Variants in CBLB observed in about 807,000 individuals in gnomAD.
CBLB encodes the protein Cbl proto-oncogene B.
In CBLB, 31 loss-of-function variants were observed where a neutral mutation model predicts 104.9. That is an observed-to-expected ratio of 0.30 (90% confidence interval 0.22 to 0.40). The LOEUF is 0.40. Ranked by LOEUF, CBLB falls within the 10% of genes least tolerant of loss-of-function variation. The pLI, the probability that CBLB is intolerant of heterozygous loss-of-function variation, is 1.00. For synonymous variants in CBLB, 440 were observed against 422.6 expected, an observed-to-expected ratio of 1.04 and a Z score of -0.51; for missense variants, 1,062 against 1,214.6, an observed-to-expected ratio of 0.87 and a Z score of 1.87.
chr3:105,769,004 A>C (rs2078544051), intron 4 of CBLB, among the ~76,000 whole-genome samples: 1 of 152,202 alleles, frequency 6.6e-6, no homozygotes, highest in African/African-American at 2.4e-5. Context: ...CTATGCAATT[A>C]TTCATGTAGT....
rs139387743 is a variant in CBLB at position 105,701,896 on chromosome 3, T to C, written c.1959+198A>G. Among the ~76,000 whole-genome samples, 18 of 152,270 alleles carry C rather than the reference T, an allele frequency of 1.2e-4. No individual in the cohort carries two copies. In the East Asian group the frequency reaches 3.3e-3, roughly 28 times the overall value. On this transcript the variant is annotated intron_variant, in intron 12 of 18. Transcript: ENST00000394030. Reference sequence around the variant, plus strand: ...CTAGTGTCTTCACATTAAAATTAAATCATTACTTAGAACCTCCTGACTTCT... The same window carrying C: ...CTAGTGTCTTCACATTAAAATTAAACCATTACTTAGAACCTCCTGACTTCT...
In CBLB at chr3:105,703,969, T is replaced by G. The variant is rs1261652731; in HGVS notation, c.1593+19A>C. On this transcript the variant is annotated intron_variant, in intron 11 of 18. Transcript: ENST00000394030. The stretch of plus-strand genomic sequence containing the variant: ...GTCTTACAAAATTTTCATCTGTGTT[T>G]CTAATAAAATTGATCTACCTTTGGT... The G allele has an allele frequency of 1.2e-6, 2 of 1,607,672 alleles. No homozygotes were observed. Among genetic ancestry groups the G allele is most frequent in the Non-Finnish European group, 1.7e-6 (2 of 1,174,120 alleles).
At chr3:105,663,394 G>A (rs752449154) in intron 18 of CBLB, among the ~76,000 whole-genome samples, 10 of 152,136 alleles carry the variant, frequency 6.6e-5, no homozygotes, top group Non-Finnish European at 1.3e-4. Context: ...GGATGAGGAG[G>A]TAACGATTGG....
At chr3:105,817,987 AT>A (rs932586426) in intron 3 of CBLB, among the ~76,000 whole-genome samples, 14 of 152,202 alleles carry the variant, frequency 9.2e-5, no homozygotes, top group Non-Finnish European at 1.0e-4. Flanking sequence ...AAAATAAACA[AT>A]TTTTTTCCCA....
chr3:105,685,286 G>C (rs2066865895), intron 14 of CBLB, 34 bp downstream of exon 14: 3 of 1,572,296 alleles, frequency 1.9e-6, no homozygotes, highest in Non-Finnish European at 2.6e-6. Context: ...TGCTTATGCA[G>C]ATGTAAGTGG....
chr3:105,706,139 C>T (rs985279492), intron 10 of CBLB, among the ~76,000 whole-genome samples: 1 of 151,934 alleles, frequency 6.6e-6, no homozygotes, highest in African/African-American at 2.4e-5. Flanking sequence ...AAGACCCTGT[C>T]TCTAAAAAAA....
At chr3:105,734,273 T>C in intron 8 of CBLB, 133 bp from the exon 9 acceptor site, 1 of 880,532 alleles carries the variant, frequency 1.1e-6, no homozygotes, top group Non-Finnish European at 1.8e-6. Flanking sequence ...TTGTTACCAT[T>C]TGAGACATGT....
At chr3:105,752,946 A>G (rs1438512258) in intron 4 of CBLB, among the ~76,000 whole-genome samples, 5 of 152,202 alleles carry the variant, frequency 3.3e-5, no homozygotes, top group African/African-American at 1.2e-4. Flanking sequence ...TTGCTAAAAC[A>G]AGGCACTGTT....
chr3:105,773,511 T>C lies in CBLB; in HGVS notation c.566+2885A>G, dbSNP rs1405475658. 3.9e-5 allele frequency among the ~76,000 whole-genome samples: 6 copies of C among 152,176 alleles called. No individual in the cohort carries two copies. The East Asian group carries it at 9.6e-4, about 24-fold the overall frequency. ...CACTTCAATCAATCACTTTTCTCAATGTCAAAAAGTACTTAAATGAGTCAC... is the reference window on the plus strand; with the variant it reads ...CACTTCAATCAATCACTTTTCTCAACGTCAAAAAGTACTTAAATGAGTCAC... On this transcript the variant is annotated intron_variant, in intron 4 of 18. Coordinates refer to ENST00000394030, the MANE Select transcript of CBLB (RefSeq NM_170662.5).
At chr3:105,688,084 A>G (rs566959221) in intron 13 of CBLB, among the ~76,000 whole-genome samples, 77 of 152,150 alleles carry the variant, frequency 5.1e-4, no homozygotes, top group African/African-American at 1.8e-3. Context: ...AGTAGAAAAA[A>G]TTTCTATCTT....
intron 8 of CBLB, among the ~76,000 whole-genome samples, chr3:105,734,361 T>C (rs2152860891): frequency 6.6e-6 from 1 of 152,358 alleles, no homozygotes; most frequent in East Asian, 1.9e-4. Context: ...TCTTACATGC[T>C]TCTTAATGAT....
At chr3:105,814,900 T>G (rs958888123) in intron 3 of CBLB, among the ~76,000 whole-genome samples, 4 of 142,374 alleles carry the variant, frequency 2.8e-5, no homozygotes, top group African/African-American at 1.0e-4. Flanking sequence ...AGAGCCAAAT[T>G]TTGTACCCAC....
intron 3 of CBLB, among the ~76,000 whole-genome samples, chr3:105,852,566 T>G (rs1432689141): frequency 1.3e-5 from 2 of 152,114 alleles, no homozygotes; most frequent in Non-Finnish European, 2.9e-5. Context: ...GAAAAGAAAT[T>G]TTTTTTATAA....
intron 3 of CBLB, among the ~76,000 whole-genome samples, chr3:105,798,165 T>G (rs975133066): frequency 3.3e-4 from 50 of 152,372 alleles, no homozygotes; most frequent in African/African-American, 1.1e-3. Context: ...ACAATTCTTC[T>G]TTAAAATTAT....
chr3:105,728,406 G>A (rs748687570), intron 9 of CBLB, among the ~76,000 whole-genome samples: 4 of 152,098 alleles, frequency 2.6e-5, no homozygotes, highest in Non-Finnish European at 5.9e-5. Flanking sequence ...CAACTTACAA[G>A]GGATGTGAAG....
Position 105,678,467 on chromosome 3 carries a change from G to A in CBLB, c.2533C>T (p.Pro845Ser). The A allele has an allele frequency of 1.2e-6, 2 of 1,614,010 alleles. No individual in the cohort carries two copies. Among genetic ancestry groups the A allele is most frequent in the Non-Finnish European group, 1.7e-6 (2 of 1,179,902 alleles). Residue 845 changes from proline (P) to serine (S), a missense_variant, in exon 17 of 19, where the codon CCA becomes TCA. Transcript: ENST00000394030. ...HSKPPGSSSR[P>S]SSGQDLFLLP... Reference sequence around the variant, plus strand: ...AGAAAAAGATCCTGTCCTGAGGATGGCCGGCTACTGGAGCCAGGAGGTTTT... The same window carrying A: ...AGAAAAAGATCCTGTCCTGAGGATGACCGGCTACTGGAGCCAGGAGGTTTT...
At chr3:105,855,663 A>G (rs4894956) in intron 2 of CBLB, among the ~76,000 whole-genome samples, 138,824 of 152,224 alleles carry the variant, frequency 0.91, 63,598 homozygotes, top group Non-Finnish European at 0.96. Flanking sequence ...GTGTTTCATG[A>G]CACCCAAAAC....
At chr3:105,723,976 T>C (rs75820797) in intron 9 of CBLB, 1 of 157,980 alleles carries the variant, frequency 6.3e-6, no homozygotes, top group African/African-American at 2.4e-5. Context: ...TGTATGTGTA[T>C]GCATATGTAT....
chr3:105,766,824 T>C (rs907099406), intron 4 of CBLB, among the ~76,000 whole-genome samples: 5 of 152,206 alleles, frequency 3.3e-5, no homozygotes, highest in Non-Finnish European at 7.4e-5. Flanking sequence ...AAACCCACAA[T>C]ATCTCTGAGG....
Sources: gnomAD v4.1 joint callset for allele counts (sites outside exome capture counted in the v4.1 genomes callset) on GRCh38, gnomAD v4.1.1 for gene constraint, MANE v1.5 for transcripts, NCBI Gene and HGNC (gene_info 2026-07-23, HGNC 2026-07-21) for gene names.